EBF1: variants seen among roughly 807,000 people sequenced by gnomAD.
The protein encoded by EBF1 is transcription factor COE1.
Under a neutral mutation model 68.4 loss-of-function variants are expected in EBF1, and 10 were observed. The ratio of observed to expected loss-of-function variants is 0.15; its 90% confidence interval spans 0.09 to 0.25. The LOEUF is 0.25. Ranked by LOEUF, EBF1 falls within the 10% of genes least tolerant of loss-of-function variation. The pLI is 1.00. For synonymous variants in EBF1, 298 were observed against 299.8 expected (o/e 0.99, Z 0.06); for missense variants, 509 against 794.4 (o/e 0.64, Z 4.32).
At chr5:159,004,138 A>G (rs1014623878) in intron 6 of EBF1, among the ~76,000 whole-genome samples, 1 of 152,008 alleles carries the variant, frequency 6.6e-6, no homozygotes, top group Non-Finnish European at 1.5e-5. Context: ...TTAGCCAGGC[A>G]TGGTGGCAGG....
chr5:158,869,449 C>A (rs925897799), intron 6 of EBF1, among the ~76,000 whole-genome samples: 4 of 152,114 alleles, frequency 2.6e-5, no homozygotes, highest in Non-Finnish European at 4.4e-5. Context: ...AATACCCGCC[C>A]CCGACCTTTT....
In EBF1 at chr5:158,982,387, CAAGTT is replaced by C. The variant is rs562292352; in HGVS notation, c.554+91004_554+91008del. On this transcript the variant is annotated intron_variant, in intron 6 of 15. Coordinates refer to ENST00000313708, the MANE Select transcript of EBF1 (RefSeq NM_024007.5). ...GATGCACTTGGGCATACTTCACACT[CAAGTT>C]AACAGTCATTTATTGAGGGACTATT... 4.8e-4 allele frequency among the ~76,000 whole-genome samples: 73 copies of C among 152,302 alleles called. 1 individual carries two copies. The East Asian group carries it at 0.013, about 27-fold the overall frequency.
At position 158,935,402 on chromosome 5, in the gene EBF1, G is replaced by A. The variant is rs551149190; in HGVS notation, c.555-95292C>T. Among the ~76,000 whole-genome samples the A allele has an allele frequency of 9.6e-4, 146 of 152,308 alleles. 1 individual carries two copies. Among genetic ancestry groups the A allele is most frequent in the South Asian group, 7.7e-3 (37 of 4,824 alleles). ...CCCGCTTGCCCAGCAAGCCTCTGGG[G>A]AGCCATGGGCACAGGTGCTGCTGTC... On this transcript the variant is annotated intron_variant, in intron 6 of 15. Coordinates refer to ENST00000313708, the MANE Select transcript of EBF1 (RefSeq NM_024007.5).
chr5:159,089,532 A>T (rs537165916), intron 4 of EBF1, among the ~76,000 whole-genome samples: 11 of 152,296 alleles, frequency 7.2e-5, no homozygotes, highest in African/African-American at 2.6e-4. Context: ...GTACACCGGG[A>T]TCACACTTCA....
intron 6 of EBF1, among the ~76,000 whole-genome samples, chr5:158,841,364 T>C (rs1300662547): frequency 6.6e-6 from 1 of 152,184 alleles, no homozygotes; most frequent in East Asian, 1.9e-4. Flanking sequence ...CCTGCCCAGG[T>C]TTGGGAAAAG....
intron 6 of EBF1, among the ~76,000 whole-genome samples, chr5:158,935,535 A>G (rs1811826505): frequency 6.6e-6 from 1 of 152,200 alleles, no homozygotes; most frequent in South Asian, 2.1e-4. Context: ...ACAGATACAT[A>G]CAAATGATTA....
intron 6 of EBF1, among the ~76,000 whole-genome samples, chr5:158,933,719 G>C (rs552632369): frequency 9.2e-5 from 14 of 152,334 alleles, no homozygotes; most frequent in African/African-American, 3.4e-4. Context: ...CTCAAAGGGT[G>C]TGTAAAAGCT....
intron 6 of EBF1, among the ~76,000 whole-genome samples, chr5:158,910,394 C>G (rs984025101): frequency 6.6e-6 from 1 of 152,190 alleles, no homozygotes; most frequent in African/African-American, 2.4e-5. Flanking sequence ...CTTAGAAATT[C>G]GTGGAAGTAA....
rs1440784549 is a variant in EBF1 at position 158,989,135 on chromosome 5, C to T, written c.554+84261G>A. On this transcript the variant is annotated intron_variant, in intron 6 of 15. Coordinates refer to ENST00000313708, the MANE Select transcript of EBF1 (RefSeq NM_024007.5). ...TCTGATACCCAGCAAATCCTCCCAC[C>T]CACCTCCAACACCTAATTGAGCGAC... 2.0e-5 allele frequency among the ~76,000 whole-genome samples: 3 copies of T among 152,154 alleles called. No homozygotes were observed. The East Asian group carries it at 5.8e-4, about 29-fold the overall frequency.
intron 6 of EBF1, among the ~76,000 whole-genome samples, chr5:158,964,328 T>C (rs1181008104): frequency 1.3e-5 from 2 of 152,040 alleles, no homozygotes; most frequent in Non-Finnish European, 2.9e-5. Context: ...GCTGTCCAAG[T>C]GGGAGCCACT....
At chr5:158,864,836 G>A (rs1050729613) in intron 6 of EBF1, among the ~76,000 whole-genome samples, 1 of 152,172 alleles carries the variant, frequency 6.6e-6, no homozygotes. Context: ...GCAGCACAGT[G>A]AGCGAGGAGG....
At chr5:159,054,948 G>T (rs561874821) in intron 6 of EBF1, among the ~76,000 whole-genome samples, 55 of 152,186 alleles carry the variant, frequency 3.6e-4, no homozygotes, top group African/African-American at 1.3e-3. Flanking sequence ...CCCAAGTTAT[G>T]CTACCAATAA....
chr5:158,945,544 G>A (rs1196094387), intron 6 of EBF1, among the ~76,000 whole-genome samples: 2 of 152,210 alleles, frequency 1.3e-5, no homozygotes, highest in East Asian at 1.9e-4. Context: ...GAGATCTGCT[G>A]TTAGTCTGAT....
In EBF1 at chr5:158,712,312, C is replaced by T. The variant is rs756448619; in HGVS notation, c.1391G>A (p.Ser464Asn). ...TNQGFTRNSS[S>N]VSPHGYVPST... is the part of the protein sequence containing the mutation. ...CGGCACGTACCCGTGTGGTGATACG[C>T]TGCTTGAGTTGCGGGTGAAACCTGA... The change falls in exon 14 of 16, where the codon AGC becomes AAC. Residue 464 changes from serine (S) to asparagine (N), a missense_variant. Physicochemically the swap from Ser to Asn is conservative, Grantham distance 46. Coordinates refer to ENST00000313708, the MANE Select transcript of EBF1 (RefSeq NM_024007.5). 9 of 1,613,854 alleles carry T rather than the reference C, an allele frequency of 5.6e-6. No individual in the cohort carries two copies. Among genetic ancestry groups the T allele is most frequent in the Non-Finnish European group, 6.8e-6 (8 of 1,179,988 alleles).
chr5:158,994,595 A>T (rs1761044871), intron 6 of EBF1, among the ~76,000 whole-genome samples: 2 of 152,200 alleles, frequency 1.3e-5, no homozygotes. Context: ...TACGCCTAAG[A>T]TTTTGCCTGG....
intron 10 of EBF1, among the ~76,000 whole-genome samples, chr5:158,758,771 C>T (rs908030369): frequency 3.9e-5 from 6 of 152,086 alleles, no homozygotes; most frequent in East Asian, 1.9e-4. Context: ...CCAAACATGG[C>T]GTGGTTATTC....
intron 6 of EBF1, among the ~76,000 whole-genome samples, chr5:159,061,887 T>A (rs1287677632): frequency 6.6e-6 from 1 of 152,220 alleles, no homozygotes; most frequent in Non-Finnish European, 1.5e-5. Flanking sequence ...TCAGAGACAC[T>A]CATCTTTCAA....
chr5:158,878,592 C>T lies in EBF1; in HGVS notation c.555-38482G>A, dbSNP rs551969195. Reference sequence around the variant, plus strand: ...TTCAACAAGGAAACTGACACTCAGACGAGTAATTTGAGCAATTTCCCCAAG... The same window carrying T: ...TTCAACAAGGAAACTGACACTCAGATGAGTAATTTGAGCAATTTCCCCAAG... On this transcript the variant is annotated intron_variant, in intron 6 of 15. Coordinates refer to ENST00000313708, the MANE Select transcript of EBF1 (RefSeq NM_024007.5). Among the ~76,000 whole-genome samples, 9 of 151,370 alleles carry T rather than the reference C, an allele frequency of 5.9e-5. 1 individual carries two copies. In the South Asian group the frequency reaches 8.4e-4, roughly 14 times the overall value.
At chr5:158,739,886 G>A (rs778425581) in intron 10 of EBF1, among the ~76,000 whole-genome samples, 2 of 152,114 alleles carry the variant, frequency 1.3e-5, no homozygotes, top group Admixed American at 6.5e-5. Flanking sequence ...TTATCACCCC[G>A]TGTGTGTTCA....
Sources: gnomAD v4.1 joint callset for allele counts (sites outside exome capture counted in the v4.1 genomes callset) on GRCh38, gnomAD v4.1.1 for gene constraint, MANE v1.5 for transcripts, NCBI Gene and HGNC (gene_info 2026-07-23, HGNC 2026-07-21) for gene names.